Variants in NTM observed in about 807,000 individuals in gnomAD.
NTM encodes the protein IgLON family member 2.
In NTM, 13 loss-of-function variants were observed where a neutral mutation model predicts 42.1. That is an observed-to-expected ratio of 0.31 (90% CI 0.20 to 0.49). NTM has a LOEUF of 0.49. Among genes scored for constraint, NTM ranks in the 20% least tolerant of loss-of-function variants. The pLI is 0.99. For synonymous variants in NTM, 187 were observed against 179.2 expected, an observed-to-expected ratio of 1.04 and a Z score of -0.35; for missense variants, 373 against 452.8, an observed-to-expected ratio of 0.82 and a Z score of 1.60.
chr11:131,440,368 G>C (rs984610474), intron 1 of NTM, among the ~76,000 whole-genome samples: 3 of 152,170 alleles, frequency 2.0e-5, no homozygotes, highest in African/African-American at 7.2e-5. Flanking sequence ...ACATTTTGGT[G>C]AAGATCCCTC....
At chr11:131,802,069 A>T (rs1173032999) in intron 1 of NTM, among the ~76,000 whole-genome samples, 1 of 152,188 alleles carries the variant, frequency 6.6e-6, no homozygotes, top group Non-Finnish European at 1.5e-5. Context: ...ACTAATTCTG[A>T]GCATTACAAT....
At chr11:131,403,069 T>A (rs58569796) in intron 1 of NTM, among the ~76,000 whole-genome samples, 1,818 of 152,306 alleles carry the variant, frequency 0.012, 33 homozygotes, top group African/African-American at 0.041. Flanking sequence ...AGATAACCAA[T>A]CTGCTTACAA....
chr11:132,186,186 C>A (rs141866361), intron 3 of NTM, among the ~76,000 whole-genome samples: 1 of 152,190 alleles, frequency 6.6e-6, no homozygotes. Context: ...TGAGCCACTG[C>A]GGTGGCTCTC....
intron 1 of NTM, among the ~76,000 whole-genome samples, chr11:131,469,156 C>A (rs71483667): frequency 6.6e-6 from 1 of 152,318 alleles, no homozygotes; most frequent in East Asian, 1.9e-4. Flanking sequence ...ACCAGCGCCT[C>A]TGCATCTCCC....
chr11:131,729,596 G>A (rs2658850), intron 1 of NTM, among the ~76,000 whole-genome samples: 12 of 151,736 alleles, frequency 7.9e-5, no homozygotes, highest in African/African-American at 1.7e-4. Context: ...CCCATTCCCC[G>A]TCCTCCCAGC....
chr11:131,446,438 A>G (rs1480290247), intron 1 of NTM, among the ~76,000 whole-genome samples: 2 of 152,170 alleles, frequency 1.3e-5, no homozygotes, highest in Non-Finnish European at 2.9e-5. Context: ...GCACACTCAG[A>G]GTTTTAGACA....
chr11:132,101,850 G>A (rs905722640), intron 2 of NTM, among the ~76,000 whole-genome samples: 1 of 152,152 alleles, frequency 6.6e-6, no homozygotes, highest in Non-Finnish European at 1.5e-5. Context: ...CTTCCACACA[G>A]AGGACAGGCA....
intron 1 of NTM, among the ~76,000 whole-genome samples, chr11:131,444,203 C>CAAAAAAAAA (rs71475757): frequency 1.6e-4 from 8 of 49,512 alleles, no homozygotes; most frequent in Non-Finnish European, 2.2e-4. Context: ...AGGTTAGAAC[C>CAAAAAAAAA]AAAAAAAAAA....
chr11:132,175,992 T>C (rs745836442), intron 3 of NTM, among the ~76,000 whole-genome samples: 1 of 152,152 alleles, frequency 6.6e-6, no homozygotes, highest in Non-Finnish European at 1.5e-5. Context: ...AGCTAGATTT[T>C]TTGTTTGTTT....
intron 1 of NTM, among the ~76,000 whole-genome samples, chr11:131,464,778 G>C (rs1377237333): frequency 6.6e-6 from 1 of 152,188 alleles, no homozygotes; most frequent in Non-Finnish European, 1.5e-5. Flanking sequence ...TGTCCAAGCG[G>C]GTCTGCGAGG....
chr11:132,189,754 A>G (rs2079004383), intron 3 of NTM, among the ~76,000 whole-genome samples: 1 of 152,148 alleles, frequency 6.6e-6, no homozygotes, highest in Admixed American at 6.5e-5. Context: ...TGTCATAGAA[A>G]CCTTTGCCAG....
chr11:131,562,473 G>A (rs551888537), intron 1 of NTM, among the ~76,000 whole-genome samples: 18 of 152,244 alleles, frequency 1.2e-4, no homozygotes, highest in Admixed American at 5.2e-4. Flanking sequence ...TAAGCCAGGC[G>A]TGGAGGGGAG....
At chr11:131,729,309 C>A (rs1162723179) in intron 1 of NTM, among the ~76,000 whole-genome samples, 2 of 152,176 alleles carry the variant, frequency 1.3e-5, no homozygotes, top group Non-Finnish European at 2.9e-5. Flanking sequence ...TGGTACAGTG[C>A]ACTCTGAGTT....
intron 1 of NTM, among the ~76,000 whole-genome samples, chr11:131,384,236 T>C (rs1943041400): frequency 6.6e-6 from 1 of 152,030 alleles, no homozygotes; most frequent in African/African-American, 2.4e-5. Flanking sequence ...TAAAAAAGAA[T>C]TGAGGGCAAA....
chr11:132,299,881 G>A (rs1370890125), intron 4 of NTM, among the ~76,000 whole-genome samples: 3 of 152,002 alleles, frequency 2.0e-5, no homozygotes, highest in East Asian at 3.9e-4. Flanking sequence ...AAATGTCAAG[G>A]AACTATGTGT....
chr11:131,433,457 G>T (rs1445335126), intron 1 of NTM, among the ~76,000 whole-genome samples: 2 of 151,888 alleles, frequency 1.3e-5, no homozygotes, highest in South Asian at 2.1e-4. Flanking sequence ...CTGCCTCCAG[G>T]GCCTCATGAC....
chr11:131,428,880 C>CAAAAA (rs35312475), intron 1 of NTM, among the ~76,000 whole-genome samples: 7 of 84,008 alleles, frequency 8.3e-5, no homozygotes, highest in East Asian at 4.0e-4. Flanking sequence ...ACTAAAAATA[C>CAAAAA]AAAAAAAAAA....
At chr11:131,548,993 T>C in intron 1 of NTM, among the ~76,000 whole-genome samples, 1 of 152,184 alleles carries the variant, frequency 6.6e-6, no homozygotes, top group East Asian at 1.9e-4. Flanking sequence ...TTATTTTATG[T>C]AGGGTGTTTG....
At chr11:131,372,297 G>A (rs578147276) in intron 1 of NTM, among the ~76,000 whole-genome samples, 10 of 152,274 alleles carry the variant, frequency 6.6e-5, no homozygotes, top group African/African-American at 1.9e-4. Context: ...GGATGTCCAT[G>A]ATGTCGTCTG....
Sources: allele counts gnomAD v4.1 joint callset (sites outside exome capture counted in the v4.1 genomes callset), GRCh38; gene constraint gnomAD v4.1.1; transcripts MANE v1.5; gene names NCBI Gene and HGNC (gene_info 2026-07-23, HGNC 2026-07-21).